CTXND2: variants seen among roughly 807,000 people sequenced by gnomAD.
CTXND2 encodes the protein cortexin domain containing 2.
intron 1 of CTXND2, among the ~76,000 whole-genome samples, chr1:150,911,031 C>G (rs1461082622): frequency 6.6e-6 from 1 of 152,084 alleles, no homozygotes; most frequent in East Asian, 1.9e-4. Context: ...GTCTCGATCT[C>G]CTGACCTCAT....
chr1:150,896,969 A>G (rs1337860234), intron 1 of CTXND2, among the ~76,000 whole-genome samples: 1 of 152,218 alleles, frequency 6.6e-6, no homozygotes, highest in African/African-American at 2.4e-5. Context: ...AGAATAACAC[A>G]AAGAGAATGT....
intron 1 of CTXND2, among the ~76,000 whole-genome samples, chr1:150,897,788 TA>T (rs758479300): frequency 1.3e-5 from 2 of 152,222 alleles, no homozygotes; most frequent in Admixed American, 6.5e-5. Flanking sequence ...GTGGTACAGA[TA>T]TTTACCAATA....
intron 1 of CTXND2, among the ~76,000 whole-genome samples, chr1:150,903,076 T>C (rs1669071581): frequency 6.6e-6 from 1 of 152,148 alleles, no homozygotes; most frequent in South Asian, 2.1e-4. Context: ...TATCTATTGT[T>C]TTATTTTGGC....
intron 1 of CTXND2, 149 bp from the exon 2 acceptor site, chr1:150,912,093 T>A: frequency 2.7e-6 from 1 of 365,504 alleles, no homozygotes; most frequent in Non-Finnish European, 4.9e-6. Context: ...CAGTCATCTA[T>A]ATTAACTTTA....
intron 1 of CTXND2, among the ~76,000 whole-genome samples, chr1:150,905,062 C>CCACACACACACA (rs58415621): frequency 1.4e-4 from 18 of 130,824 alleles, no homozygotes; most frequent in African/African-American, 2.6e-4. Context: ...AAAAAGAAAA[C>CCACACACACACA]CACACACACA....
At chr1:150,910,126 T>C (rs1441666199) in intron 1 of CTXND2, among the ~76,000 whole-genome samples, 2 of 149,834 alleles carry the variant, frequency 1.3e-5, no homozygotes, top group Non-Finnish European at 3.0e-5. Flanking sequence ...TTCTGTTTTT[T>C]TTTTTTCTTT....
At chr1:150,891,764 C>G (rs1451211363) in intron 1 of CTXND2, among the ~76,000 whole-genome samples, 1 of 152,154 alleles carries the variant, frequency 6.6e-6, no homozygotes, top group African/African-American at 2.4e-5. Context: ...CCTGGAATAT[C>G]TTCTTTCCTT....
At chr1:150,901,915 G>C (rs1251145563) in intron 1 of CTXND2, among the ~76,000 whole-genome samples, 8 of 150,200 alleles carry the variant, frequency 5.3e-5, no homozygotes, top group Admixed American at 6.7e-5. Context: ...GACAGAGTGA[G>C]ATTCCATCTA....
At chr1:150,900,555 G>A (rs1387915799) in intron 1 of CTXND2, among the ~76,000 whole-genome samples, 2 of 152,152 alleles carry the variant, frequency 1.3e-5, no homozygotes, top group Admixed American at 6.5e-5. Context: ...GAAACAGGCT[G>A]GAGAATCACT....
chr1:150,899,755 G>A (rs1668967745), intron 1 of CTXND2, among the ~76,000 whole-genome samples: 1 of 152,122 alleles, frequency 6.6e-6, no homozygotes, highest in African/African-American at 2.4e-5. Context: ...GTCAGGAGTT[G>A]AGACCAGCCT....
intron 1 of CTXND2, among the ~76,000 whole-genome samples, chr1:150,897,638 A>C (rs369167067): frequency 6.6e-6 from 1 of 152,240 alleles, no homozygotes; most frequent in East Asian, 1.9e-4. Context: ...AAGGATATTA[A>C]TAGATACAGG....
intron 1 of CTXND2, among the ~76,000 whole-genome samples, chr1:150,901,729 A>G (rs1433989138): frequency 6.6e-6 from 1 of 151,780 alleles, no homozygotes; most frequent in Non-Finnish European, 1.5e-5. Flanking sequence ...CCTGGCTAAC[A>G]CAGTGAAACC....
intron 1 of CTXND2, among the ~76,000 whole-genome samples, chr1:150,900,303 C>T (rs1668986225): frequency 1.3e-5 from 2 of 151,772 alleles, no homozygotes; most frequent in Admixed American, 1.3e-4. Context: ...CTGTAACACT[C>T]ACTGCGAAGG....
At chr1:150,890,178 G>A (rs1434381952) in intron 1 of CTXND2, among the ~76,000 whole-genome samples, 1 of 152,088 alleles carries the variant, frequency 6.6e-6, no homozygotes, top group Non-Finnish European at 1.5e-5. Context: ...TAGAAAAAGG[G>A]TAGAGTGGTA....
chr1:150,911,827 G>GA (rs1280428086), intron 1 of CTXND2, among the ~76,000 whole-genome samples: 2 of 152,234 alleles, frequency 1.3e-5, no homozygotes, highest in South Asian at 4.1e-4. Context: ...GTAGTGATCA[G>GA]AAAAAATAAA....
At chr1:150,911,099 T>A (rs1388238387) in intron 1 of CTXND2, among the ~76,000 whole-genome samples, 1 of 151,806 alleles carries the variant, frequency 6.6e-6, no homozygotes, top group African/African-American at 2.4e-5. Context: ...CCATCGTGCC[T>A]GGCCATAATT....
intron 1 of CTXND2, among the ~76,000 whole-genome samples, chr1:150,895,208 A>T (rs1012972609): frequency 6.6e-6 from 1 of 151,692 alleles, no homozygotes; most frequent in African/African-American, 2.4e-5. Flanking sequence ...CCATGTCTTT[A>T]AATTTTAGGT....
At chr1:150,901,779 A>G (rs1449157973) in intron 1 of CTXND2, among the ~76,000 whole-genome samples, 1 of 151,956 alleles carries the variant, frequency 6.6e-6, no homozygotes, top group African/African-American at 2.4e-5. Context: ...TTAGCTGGGC[A>G]TGGTGGCGGG....
At chr1:150,893,491 C>G (rs922435220) in intron 1 of CTXND2, among the ~76,000 whole-genome samples, 1 of 152,110 alleles carries the variant, frequency 6.6e-6, no homozygotes, top group African/African-American at 2.4e-5. Context: ...CAGGCTGTCA[C>G]TCTGTCACCC....
Sources: gnomAD v4.1 joint callset for allele counts (sites outside exome capture counted in the v4.1 genomes callset) on GRCh38, gnomAD v4.1.1 for gene constraint, MANE v1.5 for transcripts, NCBI Gene and HGNC (gene_info 2026-07-23, HGNC 2026-07-21) for gene names.